Variants in CDC73 observed in about 807,000 individuals in gnomAD.
CDC73 encodes the protein cell division cycle 73.
Under a neutral mutation model 83.7 loss-of-function variants are expected in CDC73, and 21 were observed. That is an observed-to-expected ratio of 0.25 (90% CI 0.18 to 0.36). The LOEUF is 0.36. CDC73 is among the 10% of genes least tolerant of loss of function. The pLI is 1.00. For synonymous variants in CDC73, 224 were observed against 212.9 expected (o/e 1.05, Z -0.45); for missense variants, 342 against 653.3 (o/e 0.52, Z 5.19).
chr1:193,157,584 C>T (rs1187308028), intron 10 of CDC73, among the ~76,000 whole-genome samples: 1 of 152,216 alleles, frequency 6.6e-6, no homozygotes, highest in Admixed American at 6.5e-5. Flanking sequence ...CCACATCCAC[C>T]TGAGCAGGAG....
intron 8 of CDC73, among the ~76,000 whole-genome samples, chr1:193,149,096 CCAT>C (rs1676060652): frequency 6.6e-6 from 1 of 152,152 alleles, no homozygotes; most frequent in Non-Finnish European, 1.5e-5. Context: ...AGTTGACTCT[CCAT>C]CAAGTACTTA....
At chr1:193,124,315 T>C (rs1675524670) in intron 1 of CDC73, among the ~76,000 whole-genome samples, 1 of 152,170 alleles carries the variant, frequency 6.6e-6, no homozygotes, top group Admixed American at 6.5e-5. Flanking sequence ...ATTCTGAAAA[T>C]AGAAAAAATA....
At chr1:193,178,945 G>A (rs77971522) in intron 10 of CDC73, 1 of 152,074 alleles carries the variant, frequency 6.6e-6, no homozygotes, top group Admixed American at 6.5e-5. Context: ...TACTTGTATG[G>A]AATAAAAACA....
chr1:193,194,924 A>G (rs917706925), intron 10 of CDC73, among the ~76,000 whole-genome samples: 1 of 152,130 alleles, frequency 6.6e-6, no homozygotes, highest in African/African-American at 2.4e-5. Context: ...ATAAATCTCT[A>G]TATGTGTATG....
intron 7 of CDC73, among the ~76,000 whole-genome samples, chr1:193,146,930 T>A (rs1676010319): frequency 6.6e-6 from 1 of 152,128 alleles, no homozygotes; most frequent in South Asian, 2.1e-4. Context: ...AACAGGAGGA[T>A]GTAGTAGTTG....
At chr1:193,177,741 G>A (rs1189263273) in intron 10 of CDC73, among the ~76,000 whole-genome samples, 3 of 152,048 alleles carry the variant, frequency 2.0e-5, no homozygotes, top group Admixed American at 6.6e-5. Flanking sequence ...GCTGTTACTG[G>A]TATTATTTTT....
At chr1:193,181,619 T>C (rs760629619) in intron 10 of CDC73, 77 of 1,387,634 alleles carry the variant, frequency 5.5e-5, no homozygotes, top group Non-Finnish European at 7.1e-5. Context: ...TGTTTTCTTC[T>C]CCTTAATACT....
chr1:193,199,411 C>T (rs1373855531), intron 10 of CDC73, among the ~76,000 whole-genome samples: 2 of 151,972 alleles, frequency 1.3e-5, no homozygotes, highest in African/African-American at 4.8e-5. Context: ...AAGACTCATT[C>T]AATGTGTTTA....
chr1:193,141,787 A>C, intron 6 of CDC73, 63 bp from the exon 7 acceptor site: 1 of 1,065,308 alleles, frequency 9.4e-7, no homozygotes, highest in Non-Finnish European at 1.4e-6. Context: ...ATGTAACAAA[A>C]TATATTTATG....
At chr1:193,125,603 A>G (rs113289449) in intron 2 of CDC73, among the ~76,000 whole-genome samples, 2 of 147,856 alleles carry the variant, frequency 1.4e-5, no homozygotes, top group African/African-American at 5.0e-5. Context: ...TTGAGATAGG[A>G]TCTGGCTCTG....
At chr1:193,219,664 C>T (rs903295475) in intron 13 of CDC73, among the ~76,000 whole-genome samples, 1 of 151,994 alleles carries the variant, frequency 6.6e-6, no homozygotes, top group Non-Finnish European at 1.5e-5. Flanking sequence ...ACATGTTCTA[C>T]GTGGGAGCTA....
At chr1:193,142,116 A>C in intron 7 of CDC73, 50 bp downstream of exon 7, 1 of 1,361,338 alleles carries the variant, frequency 7.3e-7, no homozygotes, top group Non-Finnish European at 1.0e-6. Flanking sequence ...AGAGAGAGAG[A>C]GTGCGTTTAA....
chr1:193,184,169 G>T (rs996298483), intron 10 of CDC73, among the ~76,000 whole-genome samples: 1 of 151,840 alleles, frequency 6.6e-6, no homozygotes, highest in African/African-American at 2.4e-5. Context: ...ATGTTAAGCT[G>T]TTGAGATATT....
chr1:193,238,197 C>T (rs1453735569), intron 15 of CDC73, among the ~76,000 whole-genome samples: 2 of 152,138 alleles, frequency 1.3e-5, no homozygotes, highest in African/African-American at 4.8e-5. Context: ...CTTTCTCTTT[C>T]ACCTGTTCCT....
chr1:193,150,274 A>G, intron 8 of CDC73, 30 bp from the exon 9 acceptor site: 1 of 1,455,358 alleles, frequency 6.9e-7, no homozygotes, highest in African/African-American at 1.4e-5. Context: ...AAAAATATTA[A>G]CAAGTAACTC....
intron 10 of CDC73, among the ~76,000 whole-genome samples, chr1:193,176,916 C>G (rs1279050744): frequency 6.6e-6 from 1 of 152,098 alleles, no homozygotes; most frequent in Non-Finnish European, 1.5e-5. Flanking sequence ...ATTTGTGCCT[C>G]AGGGCCCAAA....
At chr1:193,160,949 G>A (rs968348831) in intron 10 of CDC73, among the ~76,000 whole-genome samples, 2 of 151,726 alleles carry the variant, frequency 1.3e-5, no homozygotes, top group Non-Finnish European at 2.9e-5. Flanking sequence ...TTAGATTTTT[G>A]AGTGACTTTT....
At position 193,189,617 on chromosome 1, in the gene CDC73, G is replaced by A. The variant is rs186394876; in HGVS notation, c.973-14178G>A. ...CACATCCGTGATGGCAAAATAGGTGGCCGTTACTATGTGCATCATGGCCAG... is the reference window on the plus strand; with the variant it reads ...CACATCCGTGATGGCAAAATAGGTGACCGTTACTATGTGCATCATGGCCAG... On this transcript the variant is annotated intron_variant, in intron 10 of 16. Coordinates refer to ENST00000367435, the MANE Select transcript of CDC73 (RefSeq NM_024529.5). Among the ~76,000 whole-genome samples, 7 of 152,266 alleles carry A rather than the reference G, an allele frequency of 4.6e-5. No homozygotes were observed. The East Asian group carries it at 1.4e-3, about 29-fold the overall frequency.
intron 10 of CDC73, among the ~76,000 whole-genome samples, chr1:193,195,651 T>C (rs1024560607): frequency 6.6e-6 from 1 of 151,972 alleles, no homozygotes; most frequent in African/African-American, 2.4e-5. Context: ...CATCTTCTCA[T>C]TTATACTTGT....
Sources: gnomAD v4.1 joint callset for allele counts (sites outside exome capture counted in the v4.1 genomes callset) on GRCh38, gnomAD v4.1.1 for gene constraint, MANE v1.5 for transcripts, NCBI Gene and HGNC (gene_info 2026-07-23, HGNC 2026-07-21) for gene names.